CLIC5: variants seen among roughly 807,000 people sequenced by gnomAD.
The protein encoded by CLIC5 is chloride intracellular channel protein 5.
In CLIC5, 20 loss-of-function variants were observed where a neutral mutation model predicts 24.7. The observed-to-expected ratio is 0.81, with a 90% CI of 0.57 to 1.18. The LOEUF is 1.18. Among genes scored for constraint, CLIC5 ranks in the 50% most tolerant of loss-of-function variants. The pLI, the probability that CLIC5 is intolerant of heterozygous loss-of-function variation, is 0.00. For synonymous variants in CLIC5, 159 were observed against 135.6 expected, an observed-to-expected ratio of 1.17 and a Z score of -1.20; for missense variants, 341 against 326.1, an observed-to-expected ratio of 1.05 and a Z score of -0.35.
chr6:45,887,331 C>T (rs1762313292), intron 6 of CLIC5, among the ~76,000 whole-genome samples: 2 of 152,132 alleles, frequency 1.3e-5, no homozygotes, highest in African/African-American at 2.4e-5. Flanking sequence ...TGTCTCTTCC[C>T]CCTTCTGCTA....
chr6:46,067,933 A>C (rs908619958), intron 1 of CLIC5, among the ~76,000 whole-genome samples: 1 of 152,192 alleles, frequency 6.6e-6, no homozygotes, highest in Non-Finnish European at 1.5e-5. Flanking sequence ...CTGGAACCTG[A>C]AAATATGACC....
intron 1 of CLIC5, among the ~76,000 whole-genome samples, chr6:46,076,934 C>A (rs1483634674): frequency 6.6e-6 from 1 of 151,982 alleles, no homozygotes; most frequent in Middle Eastern, 3.2e-3. Flanking sequence ...GTCAAGAAAT[C>A]GAGACCATCC....
At chr6:46,108,715 G>A in the CLIC5 span, among the ~76,000 whole-genome samples, 1 of 151,972 alleles carries the variant, frequency 6.6e-6, no homozygotes, top group East Asian at 1.9e-4. Flanking sequence ...TCTTTTAATT[G>A]TTTGAAAAGC....
chr6:46,085,304 C>G (rs1763008912), upstream of CLIC5, among the ~76,000 whole-genome samples: 1 of 152,202 alleles, frequency 6.6e-6, no homozygotes, highest in Non-Finnish European at 1.5e-5. Flanking sequence ...CAGCTTTTTT[C>G]CATTGCTGCT....
chr6:45,920,101 C>A, intron 4 of CLIC5: 2 of 903,658 alleles, frequency 2.2e-6, no homozygotes, highest in Non-Finnish European at 2.6e-6. Flanking sequence ...GATGGGGTTC[C>A]CCTCATGACT....
At chr6:45,991,471 C>G (rs1765940549) in intron 1 of CLIC5, among the ~76,000 whole-genome samples, 1 of 152,186 alleles carries the variant, frequency 6.6e-6, no homozygotes, top group South Asian at 2.1e-4. Context: ...TAGCTGACAC[C>G]TTGACTGTAG....
the CLIC5 span, among the ~76,000 whole-genome samples, chr6:46,098,451 T>C: frequency 6.6e-6 from 1 of 152,238 alleles, no homozygotes; most frequent in South Asian, 2.1e-4. Flanking sequence ...CTGGCCACCA[T>C]AGCTGGTTTA....
chr6:45,882,864 A>T (rs1026340307), intron 6 of CLIC5, among the ~76,000 whole-genome samples: 3 of 152,236 alleles, frequency 2.0e-5, no homozygotes, highest in African/African-American at 7.2e-5. Flanking sequence ...ATCATTGACC[A>T]CATGCCTGAC....
intron 1 of CLIC5, among the ~76,000 whole-genome samples, chr6:46,041,464 C>T (rs556364288): frequency 6.6e-6 from 1 of 152,320 alleles, no homozygotes; most frequent in South Asian, 2.1e-4. Flanking sequence ...CCTCCCCACT[C>T]CTTTCCTTAG....
chr6:46,103,767 G>A, the CLIC5 span, among the ~76,000 whole-genome samples: 2 of 151,966 alleles, frequency 1.3e-5, no homozygotes, highest in Admixed American at 6.6e-5. Context: ...AACTTCAGAG[G>A]GCAAAGGGGA....
At chr6:45,998,249 C>T (rs897535824) in intron 1 of CLIC5, among the ~76,000 whole-genome samples, 1 of 152,224 alleles carries the variant, frequency 6.6e-6, no homozygotes, top group Admixed American at 6.5e-5. Context: ...GAAGTGGAAA[C>T]TTCCTAGCTA....
intron 1 of CLIC5, among the ~76,000 whole-genome samples, chr6:46,013,366 AG>A (rs1281959975): frequency 4.6e-5 from 7 of 152,254 alleles, no homozygotes; most frequent in Non-Finnish European, 7.3e-5. Flanking sequence ...ACACAGTTCA[AG>A]TAAGGCCTGG....
At chr6:45,922,994 A>G (rs901667008) in intron 4 of CLIC5, among the ~76,000 whole-genome samples, 2 of 152,202 alleles carry the variant, frequency 1.3e-5, no homozygotes, top group Non-Finnish European at 2.9e-5. Context: ...CTGAGCAAAC[A>G]AACAAACAAA....
At chr6:45,938,589 A>T (rs1409940418) in intron 4 of CLIC5, among the ~76,000 whole-genome samples, 1 of 152,222 alleles carries the variant, frequency 6.6e-6, no homozygotes, top group Admixed American at 6.5e-5. Flanking sequence ...GGCAAGTCTC[A>T]TTACAGAAGA....
At chr6:46,108,140 G>A in the CLIC5 span, among the ~76,000 whole-genome samples, 1 of 151,604 alleles carries the variant, frequency 6.6e-6, no homozygotes, top group Admixed American at 6.6e-5. Context: ...ATATTATTGT[G>A]TGTGGTCAAA....
At chr6:46,076,523 G>A (rs1026932730) in intron 1 of CLIC5, among the ~76,000 whole-genome samples, 20 of 152,148 alleles carry the variant, frequency 1.3e-4, no homozygotes, top group African/African-American at 4.8e-4. Context: ...TGTGATGTGG[G>A]CCATGCGCGA....
intron 1 of CLIC5, among the ~76,000 whole-genome samples, chr6:46,068,183 T>C (rs542448669): frequency 6.6e-6 from 1 of 152,038 alleles, no homozygotes; most frequent in Non-Finnish European, 1.5e-5. Context: ...AAGAAAGAAC[T>C]CTCCCCTAGA....
chr6:46,013,396 A>G (rs1380688235), intron 1 of CLIC5, among the ~76,000 whole-genome samples: 1 of 152,202 alleles, frequency 6.6e-6, no homozygotes, highest in Admixed American at 6.5e-5. Context: ...TTTATTTCAC[A>G]ATATTTCTAG....
intron 1 of CLIC5, among the ~76,000 whole-genome samples, chr6:45,958,717 A>G (rs1764750539): frequency 6.6e-6 from 1 of 151,744 alleles, no homozygotes; most frequent in Admixed American, 6.6e-5. Flanking sequence ...ATGCTATTAT[A>G]TATTGCCTTT....
Sources: allele counts gnomAD v4.1 joint callset (sites outside exome capture counted in the v4.1 genomes callset), GRCh38; gene constraint gnomAD v4.1.1; transcripts MANE v1.5; gene names NCBI Gene and HGNC (gene_info 2026-07-23, HGNC 2026-07-21).